Variants in UTRN observed in about 807,000 individuals in gnomAD.
UTRN encodes utrophin.
Under a neutral mutation model 463.9 loss-of-function variants are expected in UTRN, and 283 were observed. That is an observed-to-expected ratio of 0.61 (90% CI 0.55 to 0.67). The LOEUF is 0.67. UTRN is among the 30% of genes least tolerant of loss of function. The probability of loss-of-function intolerance (pLI) is 0.00; values close to 1 mark genes in which losing one functional copy is unlikely to be tolerated. For synonymous variants in UTRN, 1,442 were observed against 1,431.5 expected, an observed-to-expected ratio of 1.01 and a Z score of -0.17; for missense variants, 3,922 against 4,084.3, an observed-to-expected ratio of 0.96 and a Z score of 1.08.
chr6:144,816,591 A>ATT (rs1779097813), intron 65 of UTRN, among the ~76,000 whole-genome samples: 1 of 151,996 alleles, frequency 6.6e-6, no homozygotes, highest in Non-Finnish European at 1.5e-5. Context: ...ATAGCTGGCA[A>ATT]TTTTTATTTT....
intron 30 of UTRN, 124 bp downstream of exon 30, chr6:144,488,958 T>A (rs1459305112): frequency 1.1e-6 from 1 of 934,044 alleles, no homozygotes; most frequent in Non-Finnish European, 1.5e-6. Context: ...TGACCTTACT[T>A]ACAGGGCAGC....
intron 53 of UTRN, among the ~76,000 whole-genome samples, chr6:144,718,390 A>C (rs1275081545): frequency 1.3e-5 from 2 of 152,184 alleles, no homozygotes; most frequent in Non-Finnish European, 2.9e-5. Context: ...AGATCACTTG[A>C]GCCCGGAAGT....
intron 33 of UTRN, among the ~76,000 whole-genome samples, chr6:144,494,161 TCAAGAATGAAGC>T (rs1793347914): frequency 6.6e-6 from 1 of 152,202 alleles, no homozygotes; most frequent in Non-Finnish European, 1.5e-5. Context: ...CTCACTGACT[TCAAGAATGAAGC>T]TGTGGACCCT....
chr6:144,705,507 G>A (rs1483418769), intron 53 of UTRN, among the ~76,000 whole-genome samples: 1 of 152,168 alleles, frequency 6.6e-6, no homozygotes. Flanking sequence ...GTTCATGGAT[G>A]ATGTCATCTC....
At chr6:144,659,214 T>TA (rs1779616490) in intron 51 of UTRN, among the ~76,000 whole-genome samples, 1 of 152,214 alleles carries the variant, frequency 6.6e-6, no homozygotes, top group Admixed American at 6.5e-5. Context: ...TGAGACAATG[T>TA]AAAAGATAGA....
At chr6:144,457,724 A>G (rs933154537) in intron 19 of UTRN, among the ~76,000 whole-genome samples, 1 of 152,212 alleles carries the variant, frequency 6.6e-6, no homozygotes, top group Non-Finnish European at 1.5e-5. Context: ...CAGTAGACAC[A>G]GTGTATTATA....
intron 69 of UTRN, 67 bp downstream of exon 69, chr6:144,828,922 A>G (rs1277603465): frequency 8.5e-6 from 13 of 1,531,356 alleles, no homozygotes; most frequent in Middle Eastern, 3.4e-4. Context: ...GTCAGAAACA[A>G]TCTTCACTGA....
intron 2 of UTRN, chr6:144,333,234 C>T (rs1776465784): frequency 6.6e-6 from 1 of 152,180 alleles, no homozygotes; most frequent in African/African-American, 2.4e-5. Flanking sequence ...AGCCACTGAG[C>T]TCAGCCTGAT....
At chr6:144,382,472 T>G (rs994968810) in intron 2 of UTRN, among the ~76,000 whole-genome samples, 1 of 152,230 alleles carries the variant, frequency 6.6e-6, no homozygotes, top group Non-Finnish European at 1.5e-5. Context: ...TTCTGATGTT[T>G]TGCTACATCT....
chr6:144,578,016 A>G (rs1371168238), intron 51 of UTRN, among the ~76,000 whole-genome samples: 1 of 152,144 alleles, frequency 6.6e-6, no homozygotes, highest in Non-Finnish European at 1.5e-5. Flanking sequence ...CAGCCTGGCC[A>G]ACATGGTGAA....
chr6:144,755,307 C>G (rs1033719928), intron 57 of UTRN, among the ~76,000 whole-genome samples: 1 of 152,200 alleles, frequency 6.6e-6, no homozygotes, highest in East Asian at 1.9e-4. Context: ...GCGTATGTAG[C>G]CAAACCACCT....
intron 65 of UTRN, among the ~76,000 whole-genome samples, chr6:144,815,169 A>G (rs1444733697): frequency 2.0e-5 from 3 of 152,238 alleles, no homozygotes; most frequent in Non-Finnish European, 4.4e-5. Flanking sequence ...GATATTTAAA[A>G]TGAACAAAAG....
chr6:144,604,682 G>A (rs1405893488), intron 51 of UTRN, among the ~76,000 whole-genome samples: 1 of 152,110 alleles, frequency 6.6e-6, no homozygotes, highest in Non-Finnish European at 1.5e-5. Context: ...GGGAGGCTGA[G>A]GAAGGTGGAT....
At chr6:144,659,979 C>A in intron 51 of UTRN, 1 of 294,994 alleles carries the variant, frequency 3.4e-6, no homozygotes, top group South Asian at 3.3e-5. Flanking sequence ...CCAGGAAATA[C>A]AGAAGCAGGT....
chr6:144,329,093 T>A (rs1481983669), intron 2 of UTRN, among the ~76,000 whole-genome samples: 1 of 149,876 alleles, frequency 6.7e-6, no homozygotes. Context: ...CCTTTTTTTT[T>A]TTTTTTTGAG....
chr6:144,579,080 A>G (rs1402181651), intron 51 of UTRN, among the ~76,000 whole-genome samples: 1 of 152,172 alleles, frequency 6.6e-6, no homozygotes, highest in Non-Finnish European at 1.5e-5. Context: ...CTTAAGATTC[A>G]TTTGTTGAAA....
At chr6:144,412,910 G>GT (rs1187140187) in intron 3 of UTRN, among the ~76,000 whole-genome samples, 3 of 152,088 alleles carry the variant, frequency 2.0e-5, no homozygotes, top group Non-Finnish European at 4.4e-5. Flanking sequence ...TTATTCGTTT[G>GT]TAAGATGACA....
intron 65 of UTRN, among the ~76,000 whole-genome samples, chr6:144,810,755 G>A (rs912324134): frequency 1.3e-5 from 2 of 152,100 alleles, no homozygotes; most frequent in Non-Finnish European, 2.9e-5. Flanking sequence ...CAATTGCAAG[G>A]GTAGATTCAT....
intron 41 of UTRN, among the ~76,000 whole-genome samples, chr6:144,528,032 A>T (rs1212421031): frequency 2.9e-4 from 32 of 112,094 alleles, no homozygotes; most frequent in Middle Eastern, 5.8e-3. Context: ...AGCTAGTGTG[A>T]TTTTTTTTTT....
Sources: gnomAD v4.1 joint callset for allele counts (sites outside exome capture counted in the v4.1 genomes callset) on GRCh38, gnomAD v4.1.1 for gene constraint, MANE v1.5 for transcripts, NCBI Gene and HGNC (gene_info 2026-07-23, HGNC 2026-07-21) for gene names.